BCAS3: variants seen among roughly 807,000 people sequenced by gnomAD.
BCAS3 encodes the protein BCAS4/BCAS3 fusion.
Under a neutral mutation model 116.1 loss-of-function variants are expected in BCAS3, and 53 were observed. That is an observed-to-expected ratio of 0.46 (90% CI 0.37 to 0.57). BCAS3 has a LOEUF of 0.57. BCAS3 is among the 20% of genes least tolerant of loss of function. The pLI is 0.00. For synonymous variants in BCAS3, 391 were observed against 408.2 expected (o/e 0.96, Z 0.51); for missense variants, 917 against 1,165.4 (o/e 0.79, Z 3.10).
intron 22 of BCAS3, among the ~76,000 whole-genome samples, chr17:61,174,480 C>A (rs1356028953): frequency 6.6e-6 from 1 of 152,228 alleles, no homozygotes; most frequent in Non-Finnish European, 1.5e-5. Context: ...CATGTTGTCA[C>A]AAATGACAGG....
chr17:61,007,945 G>A lies in BCAS3; in HGVS notation c.1487-7806G>A, dbSNP rs1388817698. ...AAAGTTATAGGCAAAATGAATCAGT[G>A]CCCACACAGGATTGTCCTTCAGTAT... On this transcript the variant is annotated intron_variant, in intron 15 of 23. Transcript: ENST00000407086. The surrounding 1 kb of genome is among the most constrained non-coding windows in gnomAD (Gnocchi z 4.3). 6.6e-6 allele frequency among the ~76,000 whole-genome samples: 1 copy of A among 152,060 alleles called. No homozygotes were observed. The highest frequency in any genetic ancestry group is 1.9e-4 in the East Asian group (1 of 5,190).
intron 12 of BCAS3, among the ~76,000 whole-genome samples, chr17:60,919,076 G>A (rs369823267): frequency 6.6e-6 from 1 of 152,080 alleles, no homozygotes; most frequent in South Asian, 2.1e-4. Context: ...TATCTCTTTG[G>A]TGAATTTCTT....
intron 22 of BCAS3, among the ~76,000 whole-genome samples, chr17:61,303,276 A>G (rs1008147593): frequency 6.6e-6 from 1 of 152,230 alleles, no homozygotes; most frequent in Non-Finnish European, 1.5e-5. Flanking sequence ...TGCCTAAAAC[A>G]AGAATAAAAT....
rs1015070648 is a variant in BCAS3, at chr17:61,363,284, G to A, written c.2426-5043G>A. On this transcript the variant is annotated intron_variant, in intron 22 of 23. Transcript: ENST00000407086. This position sits in a 1 kb window ranked among gnomAD's most constrained non-coding sequence, Gnocchi z 4.9. ...AGCTTTCATCAACTTCACCTGGAAA[G>A]ATAGAGCACCTTTTATGCCGTTAGA... Among the ~76,000 whole-genome samples the A allele has an allele frequency of 6.6e-6, 1 of 152,218 alleles. No homozygotes were observed. Among genetic ancestry groups the A allele is most frequent in the Non-Finnish European group, 1.5e-5 (1 of 68,036 alleles).
intron 7 of BCAS3, among the ~76,000 whole-genome samples, chr17:60,858,637 G>A (rs1012357870): frequency 6.6e-6 from 1 of 152,088 alleles, no homozygotes; most frequent in Non-Finnish European, 1.5e-5. Flanking sequence ...TATGGAAAAT[G>A]TATGTTTAAT....
intron 19 of BCAS3, among the ~76,000 whole-genome samples, chr17:61,064,252 A>G (rs1474094523): frequency 6.6e-6 from 1 of 152,074 alleles, no homozygotes; most frequent in Non-Finnish European, 1.5e-5. Flanking sequence ...CACTATGATG[A>G]TCATGCCTGT....
chr17:60,975,521 A>G (rs2062282308), intron 14 of BCAS3, among the ~76,000 whole-genome samples: 1 of 152,168 alleles, frequency 6.6e-6, no homozygotes, highest in Non-Finnish European at 1.5e-5. Context: ...TGTTCCTTTC[A>G]TTTTTTTATG....
At chr17:60,851,504 A>G (rs1288202016) in intron 7 of BCAS3, 35 of 582,530 alleles carry the variant, frequency 6.0e-5, no homozygotes, top group Non-Finnish European at 1.7e-5. Flanking sequence ...AAAAGGCAGC[A>G]GCAAAGCATT....
rs985644463 is a variant in BCAS3, at chr17:61,302,766, G to A, written c.2426-65561G>A. On this transcript the variant is annotated intron_variant, in intron 22 of 23. Coordinates refer to ENST00000407086, the MANE Select transcript of BCAS3 (RefSeq NM_017679.5). This position sits in a 1 kb window ranked among gnomAD's most constrained non-coding sequence, Gnocchi z 4.4. ...AATATCAGCTACGGCCTCTGGATGTGTTTTTATCTAAGAGAATCCTACAGT... is the reference window on the plus strand; with the variant it reads ...AATATCAGCTACGGCCTCTGGATGTATTTTTATCTAAGAGAATCCTACAGT... 3.3e-5 allele frequency among the ~76,000 whole-genome samples: 5 copies of A among 152,106 alleles called. No individual in the cohort carries two copies. Among genetic ancestry groups the A allele is most frequent in the African/African-American group, 1.2e-4 (5 of 41,416 alleles).
At chr17:60,781,268 C>CT (rs1269417452) in intron 6 of BCAS3, among the ~76,000 whole-genome samples, 2 of 150,452 alleles carry the variant, frequency 1.3e-5, no homozygotes, top group Admixed American at 6.6e-5. Flanking sequence ...CTACGCCCAG[C>CT]TTTTTTTTCC....
At chr17:61,206,614 A>G (rs1466521575) in intron 22 of BCAS3, among the ~76,000 whole-genome samples, 5 of 151,988 alleles carry the variant, frequency 3.3e-5, no homozygotes, top group South Asian at 2.1e-4. Flanking sequence ...AGCCTGATCA[A>G]CGTGGTGAAA....
At chr17:60,900,390 C>T (rs978649260) in intron 10 of BCAS3, among the ~76,000 whole-genome samples, 8 of 151,926 alleles carry the variant, frequency 5.3e-5, no homozygotes, top group African/African-American at 1.9e-4. Context: ...TGCATGGTTC[C>T]ATGGTTGGGG....
chr17:60,716,484 T>C (rs1159617740), intron 5 of BCAS3, among the ~76,000 whole-genome samples: 4 of 152,100 alleles, frequency 2.6e-5, no homozygotes, highest in African/African-American at 4.8e-5. Flanking sequence ...TTAAAGAGCA[T>C]TGTAGCTGGG....
At chr17:60,860,569 T>C (rs1159462223) in intron 7 of BCAS3, among the ~76,000 whole-genome samples, 2 of 152,202 alleles carry the variant, frequency 1.3e-5, no homozygotes, top group Non-Finnish European at 2.9e-5. Context: ...GTGTCCAGAA[T>C]GGTATTTGCT....
chr17:60,860,879 T>C (rs2054100975), intron 7 of BCAS3, among the ~76,000 whole-genome samples: 1 of 152,200 alleles, frequency 6.6e-6, no homozygotes, highest in Admixed American at 6.5e-5. Context: ...ACCATGCTAT[T>C]TTGGTTACTG....
chr17:61,183,111 A>G (rs1431366290), intron 22 of BCAS3, among the ~76,000 whole-genome samples: 1 of 152,186 alleles, frequency 6.6e-6, no homozygotes, highest in African/African-American at 2.4e-5. Context: ...AATATTGAAA[A>G]TCATTTTTTA....
intron 22 of BCAS3, among the ~76,000 whole-genome samples, chr17:61,175,773 A>G (rs1426012398): frequency 6.6e-6 from 1 of 152,198 alleles, no homozygotes; most frequent in East Asian, 1.9e-4. Context: ...AAGGACTTGT[A>G]TCCAGAATAT....
intron 22 of BCAS3, among the ~76,000 whole-genome samples, chr17:61,167,400 T>G (rs1285683005): frequency 6.6e-6 from 1 of 152,180 alleles, no homozygotes; most frequent in Non-Finnish European, 1.5e-5. Flanking sequence ...TATTGCCAGG[T>G]CTAGAATTCA....
chr17:60,710,585 C>T (rs1372836631), intron 5 of BCAS3, among the ~76,000 whole-genome samples: 13 of 152,060 alleles, frequency 8.5e-5, no homozygotes, highest in East Asian at 5.8e-4. Context: ...GCGCCCGCCA[C>T]CACGCCTGGC....
Sources: allele counts gnomAD v4.1 joint callset (sites outside exome capture counted in the v4.1 genomes callset), GRCh38; gene constraint gnomAD v4.1.1; non-coding constraint Gnocchi (gnomAD v3.1); transcripts MANE v1.5; gene names NCBI Gene and HGNC (gene_info 2026-07-23, HGNC 2026-07-21).